Variants in CDYL observed in about 807,000 individuals in gnomAD.
CDYL encodes chromodomain Y like, also known as chromodomain Y-like protein.
A neutral mutation model predicts 47.3 loss-of-function variants in CDYL; 8 were observed. The observed-to-expected ratio is 0.17, with a 90% CI of 0.10 to 0.31. The LOEUF (loss-of-function observed/expected upper bound fraction) is 0.31, where lower values mean the gene tolerates loss of function less well. Among genes scored for constraint, CDYL ranks in the 10% least tolerant of loss-of-function variants. The pLI, the probability that CDYL is intolerant of heterozygous loss-of-function variation, is 1.00. For missense variants in CDYL, 471 were observed against 701.4 expected (o/e 0.67, Z 3.71); for synonymous variants, 266 against 265.0 (o/e 1.00, Z -0.04).
chr6:4,889,586 A>G (rs1236651413), intron 1 of CDYL, among the ~76,000 whole-genome samples: 1 of 152,176 alleles, frequency 6.6e-6, no homozygotes, highest in Non-Finnish European at 1.5e-5. Flanking sequence ...TGTGAGTTAT[A>G]AAATTCAAAT....
chr6:4,788,275 A>G (rs966762117), intron 1 of CDYL, among the ~76,000 whole-genome samples: 6 of 151,828 alleles, frequency 4.0e-5, no homozygotes, highest in African/African-American at 1.2e-4. Context: ...GGATCACTTG[A>G]GGCCAGGAGT....
At chr6:4,937,535 T>G in intron 3 of CDYL, 30 bp from the exon 4 acceptor site, 4 of 1,499,424 alleles carry the variant, frequency 2.7e-6, no homozygotes, top group Non-Finnish European at 3.6e-6. Context: ...CAAAATATTC[T>G]TTGCCACTTT....
chr6:4,940,145 A>G (rs1758322141), intron 4 of CDYL, among the ~76,000 whole-genome samples: 1 of 152,198 alleles, frequency 6.6e-6, no homozygotes, highest in Non-Finnish European at 1.5e-5. Context: ...TTAAAAGTTC[A>G]CTTTCATCAG....
At chr6:4,780,526 C>T (rs887712261) in intron 1 of CDYL, among the ~76,000 whole-genome samples, 1 of 151,832 alleles carries the variant, frequency 6.6e-6, no homozygotes, top group African/African-American at 2.4e-5. Context: ...ACCTTGGCCT[C>T]CCAAAGTGCT....
rs57969309 is a variant in CDYL at position 4,745,187 on chromosome 6, T to C, written c.186+10343T>C. 5.5e-3 allele frequency among the ~76,000 whole-genome samples: 843 copies of C among 152,284 alleles called. 5 individuals are homozygous for C. The highest frequency in any genetic ancestry group is 0.019 in the African/African-American group (800 of 41,560). On this transcript the variant is annotated intron_variant, in intron 3 of 8. Coordinates refer to the CDYL transcript ENST00000328908. ...GTGGCTCAGGCTGGTCTTGAATTACTGGCTTCAAGTGATCCTCCAGGCTCA... is the reference window on the plus strand; with the variant it reads ...GTGGCTCAGGCTGGTCTTGAATTACCGGCTTCAAGTGATCCTCCAGGCTCA...
intron 1 of CDYL, among the ~76,000 whole-genome samples, chr6:4,845,611 C>T (rs1760632731): frequency 6.6e-6 from 1 of 152,144 alleles, no homozygotes; most frequent in Non-Finnish European, 1.5e-5. Context: ...GCTTTCTTGG[C>T]CACAGCTATC....
intron 3 of CDYL, among the ~76,000 whole-genome samples, chr6:4,761,068 T>C (rs1758167925): frequency 6.6e-6 from 1 of 152,222 alleles, no homozygotes; most frequent in African/African-American, 2.4e-5. Flanking sequence ...GACTCTCTTT[T>C]ATAGAAATGT....
At chr6:4,937,487 C>T (rs1442094026) in intron 3 of CDYL, 78 bp from the exon 4 acceptor site, 7 of 1,154,236 alleles carry the variant, frequency 6.1e-6, no homozygotes, top group Middle Eastern at 2.1e-4. Context: ...CAGAGTGAGA[C>T]TCTCTCCAAA....
intron 1 of CDYL, among the ~76,000 whole-genome samples, chr6:4,777,225 T>C (rs1758492439): frequency 6.6e-6 from 1 of 150,672 alleles, no homozygotes; most frequent in Admixed American, 6.6e-5. Context: ...TTGCCCCTGG[T>C]CGGGGGGTGG....
intron 2 of CDYL, among the ~76,000 whole-genome samples, chr6:4,914,316 C>T (rs1467802204): frequency 5.9e-5 from 9 of 152,014 alleles, no homozygotes; most frequent in African/African-American, 1.4e-4. Context: ...AGTACGGCTC[C>T]GTGCTTTTCT....
chr6:4,811,608 CTTT>C (rs397975784), intron 1 of CDYL, among the ~76,000 whole-genome samples: 11 of 126,686 alleles, frequency 8.7e-5, no homozygotes, highest in Admixed American at 8.0e-5. Flanking sequence ...TGACATTATT[CTTT>C]TTTTTTTTTT....
chr6:4,944,036 T>C (rs73352342), intron 5 of CDYL, among the ~76,000 whole-genome samples: 2,059 of 152,310 alleles, frequency 0.014, 49 homozygotes, highest in African/African-American at 0.047. Flanking sequence ...AATTTGCAAT[T>C]GAAAAGTTCT....
intron 1 of CDYL, among the ~76,000 whole-genome samples, chr6:4,866,956 T>C (rs921698412): frequency 2.0e-5 from 3 of 152,068 alleles, no homozygotes; most frequent in Non-Finnish European, 2.9e-5. Flanking sequence ...TCTAGTTTGG[T>C]TTTATTTTCA....
chr6:4,797,156 A>T (rs773687979), intron 1 of CDYL, among the ~76,000 whole-genome samples: 5 of 151,428 alleles, frequency 3.3e-5, no homozygotes, highest in Non-Finnish European at 7.4e-5. Flanking sequence ...TGTACCAAAA[A>T]TGAAATATGT....
intron 1 of CDYL, among the ~76,000 whole-genome samples, chr6:4,816,506 T>C (rs1759681148): frequency 1.3e-5 from 2 of 150,194 alleles, no homozygotes; most frequent in African/African-American, 2.5e-5. Context: ...TTCTTTTTTT[T>C]TTTTTTTTTT....
chr6:4,838,790 G>A (rs997494698), intron 1 of CDYL, among the ~76,000 whole-genome samples: 2 of 151,944 alleles, frequency 1.3e-5, no homozygotes, highest in African/African-American at 4.8e-5. Context: ...GGGTTCAAGC[G>A]ATTCTCCTGC....
chr6:4,926,090 C>G (rs990334269), intron 2 of CDYL, among the ~76,000 whole-genome samples: 11 of 152,132 alleles, frequency 7.2e-5, no homozygotes, highest in African/African-American at 2.7e-4. Context: ...TCGGAGACCC[C>G]TATGGATAGA....
At chr6:4,787,555 T>C (rs1304309826) in intron 1 of CDYL, among the ~76,000 whole-genome samples, 1 of 152,226 alleles carries the variant, frequency 6.6e-6, no homozygotes, top group South Asian at 2.1e-4. Flanking sequence ...AAGTGCGTGC[T>C]CATACCTTGG....
chr6:4,772,895 C>T, upstream of CDYL: 1 of 339,644 alleles, frequency 2.9e-6, no homozygotes, highest in Non-Finnish European at 5.8e-6. Context: ...TTGTTTTTTT[C>T]TGTCCCATCC....
Sources: gnomAD v4.1 joint callset for allele counts (sites outside exome capture counted in the v4.1 genomes callset) on GRCh38, gnomAD v4.1.1 for gene constraint, MANE v1.5 for transcripts, NCBI Gene and HGNC (gene_info 2026-07-23, HGNC 2026-07-21) for gene names.